KMT2A: variants seen among roughly 807,000 people sequenced by gnomAD.
KMT2A encodes the protein histone-lysine N-methyltransferase 2A.
KMT2A carries 16 observed loss-of-function variants against 345.3 expected under a neutral mutation model. That is an observed-to-expected ratio of 0.05 (90% CI 0.03 to 0.07). KMT2A has a LOEUF of 0.07. KMT2A is among the 10% of genes least tolerant of loss of function. The pLI, the probability that KMT2A is intolerant of heterozygous loss-of-function variation, is 1.00. For synonymous variants in KMT2A, 1,599 were observed against 1,778.6 expected (o/e 0.90, Z 2.54); for missense variants, 3,272 against 4,841.6 (o/e 0.68, Z 9.62).
Position 118,491,100 on chromosome 11 carries a change from T to C in KMT2A, c.4697-96T>C. ...GCTGGTGTTCATGATCCCAGAAGAA[T>C]ATAGATTTAGATTGGGTTGGTAAAT... On this transcript the variant is annotated intron_variant, in intron 13 of 35. Transcript: ENST00000534358. The surrounding 1 kb of genome is among the most constrained non-coding windows in gnomAD (Gnocchi z 4.2). The C allele has an allele frequency of 1.6e-6, 2 of 1,256,230 alleles. No individual in the cohort carries two copies. Among genetic ancestry groups the C allele is most frequent in the Admixed American group, 2.1e-5 (1 of 47,034 alleles). 77.8% of individuals were successfully genotyped at this position (1,256,230 alleles called of 1,614,324 possible). A position where few individuals can be genotyped will look rare whatever the true frequency, so the allele number is the denominator to read the frequency against.
rs1234846393 is a variant in KMT2A, at chr11:118,476,989, CAAG to C, written c.3334+11_3334+13del. 2 of 1,613,634 alleles carry C rather than the reference CAAG, an allele frequency of 1.2e-6. No homozygotes were observed. The highest frequency in any genetic ancestry group is 1.7e-6 in the Non-Finnish European group (2 of 1,179,756). Reference sequence around the variant, plus strand: ...TCTTCCATGGGGAATGATGGTAGGTCAAGAAGGTCAATCTTGGAGTCGGAACAG... The same window carrying C: ...TCTTCCATGGGGAATGATGGTAGGTCAAGGTCAATCTTGGAGTCGGAACAG... On this transcript the variant is annotated splice_region_variant and intron_variant, in intron 4 of 35. Coordinates refer to ENST00000534358, the MANE Select transcript of KMT2A (RefSeq NM_001197104.2). This position sits in a 1 kb window ranked among gnomAD's most constrained non-coding sequence, Gnocchi z 4.1.
At chr11:118,492,438 G>T (rs1188365699) in intron 15 of KMT2A, among the ~76,000 whole-genome samples, 4 of 152,226 alleles carry the variant, frequency 2.6e-5, no homozygotes, top group African/African-American at 9.6e-5. Flanking sequence ...CCAGCACTTC[G>T]GGAGGCCGAG....
In KMT2A at chr11:118,490,095, A is replaced by G. The variant is rs2134334127; in HGVS notation, c.4576-34A>G. 4 of 1,589,840 alleles carry G rather than the reference A, an allele frequency of 2.5e-6. No homozygotes were observed. The East Asian group carries it at 8.9e-5, about 36-fold the overall frequency. ...GTTAAGTAAAGATATTAAAAACAAG[A>G]AATTCCTATTGAATTTCTTTTCTTC... On this transcript the variant is annotated intron_variant, in intron 12 of 35. Coordinates refer to ENST00000534358, the MANE Select transcript of KMT2A (RefSeq NM_001197104.2). This position sits in a 1 kb window ranked among gnomAD's most constrained non-coding sequence, Gnocchi z 4.2.
chr11:118,464,541 A>G (rs1004340037), intron 1 of KMT2A, among the ~76,000 whole-genome samples: 3 of 147,904 alleles, frequency 2.0e-5, no homozygotes, highest in Non-Finnish European at 4.5e-5. Flanking sequence ...CTCTGTCTCA[A>G]AAAAAAAAAA....
chr11:118,512,529 T>C (rs1950711465), intron 31 of KMT2A: 1 of 154,084 alleles, frequency 6.5e-6, no homozygotes, highest in Non-Finnish European at 1.4e-5. Flanking sequence ...ATGTTGCTTA[T>C]CCATTCATTA....
rs781936420 is a variant in KMT2A, at chr11:118,436,698, C to CGCGGCGGCG, written c.194_202dup (p.Ala65_Ala67dup). On this transcript the variant is annotated inframe_insertion, in exon 1 of 36. Coordinates refer to ENST00000534358, the MANE Select transcript of KMT2A (RefSeq NM_001197104.2). This position sits in a 1 kb window ranked among gnomAD's most constrained non-coding sequence, Gnocchi z 6.9. The stretch of plus-strand genomic sequence containing the variant: ...CCCCCTCCCCCCCGGCTGTGGCGGC[C>CGCGGCGGCG]GCGGCGGCGGCGGCGGGAAGCAGCG... The CGCGGCGGCG allele has an allele frequency of 7.6e-6, 10 of 1,317,648 alleles. No homozygotes were observed. In the South Asian group the frequency reaches 2.0e-4, roughly 26 times the overall value. The allele number at this position is 1,317,648 out of a possible 1,614,324, so 81.6% of individuals were successfully genotyped here.
chr11:118,518,234 G>C (rs1403252836), intron 31 of KMT2A, among the ~76,000 whole-genome samples: 2 of 152,182 alleles, frequency 1.3e-5, no homozygotes, highest in African/African-American at 4.8e-5. Flanking sequence ...TCAAAAAGAA[G>C]TGTGGCAGTT....
In KMT2A at chr11:118,502,997, T is replaced by C. The variant is rs1950525336; in HGVS notation, c.7105T>C (p.Ser2369Pro). The C allele has an allele frequency of 6.2e-7, 1 of 1,614,024 alleles. No homozygotes were observed. The highest frequency in any genetic ancestry group is 1.6e-4 in the Middle Eastern group (1 of 6,062). Reference sequence around the variant, plus strand: ...GTCGTTTTCTTCTAAAGAGGCCCTCTCCTTCCCACACCTCCATTTGAGAGG... The same window carrying C: ...GTCGTTTTCTTCTAAAGAGGCCCTCCCCTTCCCACACCTCCATTTGAGAGG... ...SVSFSSKEAL[S>P]FPHLHLRGQR... is the part of the protein sequence containing the mutation. The change falls in exon 27 of 36, where the codon TCC becomes CCC. Residue 2369 changes from serine to proline, a missense_variant. Ser to Pro is a moderately conservative substitution (Grantham distance 74, BLOSUM62 -1). Coordinates refer to ENST00000534358, the MANE Select transcript of KMT2A (RefSeq NM_001197104.2). This position sits in a 1 kb window ranked among gnomAD's most constrained non-coding sequence, Gnocchi z 4.9.
intron 31 of KMT2A, among the ~76,000 whole-genome samples, chr11:118,515,350 T>C (rs1950788907): frequency 6.6e-6 from 1 of 152,228 alleles, no homozygotes; most frequent in Non-Finnish European, 1.5e-5. Flanking sequence ...TTTTGATCAT[T>C]CTTCCTGTGC....
intron 1 of KMT2A, among the ~76,000 whole-genome samples, chr11:118,446,342 G>C (rs112673709): frequency 6.6e-6 from 1 of 152,134 alleles, no homozygotes; most frequent in East Asian, 1.9e-4. Flanking sequence ...GAGTGAGACT[G>C]TGTCTCAAAA....
At position 118,476,529 on chromosome 11, in the gene KMT2A, C is replaced by T. The variant is rs1035954357; in HGVS notation, c.3157-276C>T. Among the ~76,000 whole-genome samples the T allele has an allele frequency of 2.0e-5, 3 of 152,116 alleles. No individual in the cohort carries two copies. The highest frequency in any genetic ancestry group is 2.0e-4 in the Admixed American group (3 of 15,272). On this transcript the variant is annotated intron_variant, in intron 3 of 35. Transcript: ENST00000534358. This position sits in a 1 kb window ranked among gnomAD's most constrained non-coding sequence, Gnocchi z 4.1. ...AATTTTGTGTAGAGATGGGTTCTCG[C>T]TATGTTGCCCATACTGGTCTTGAAC... is the stretch of plus-strand genomic sequence containing the variant.
At chr11:118,469,389 A>G (rs1034897052) in intron 2 of KMT2A, among the ~76,000 whole-genome samples, 1 of 152,188 alleles carries the variant, frequency 6.6e-6, no homozygotes, top group Non-Finnish European at 1.5e-5. Flanking sequence ...TTGGTCCACT[A>G]TTGTCAAAGA....
intron 1 of KMT2A, among the ~76,000 whole-genome samples, chr11:118,467,378 A>G (rs1422054568): frequency 3.4e-5 from 5 of 146,314 alleles, no homozygotes; most frequent in African/African-American, 1.0e-4. Context: ...CTCCGTCTCA[A>G]AAAAAAAAAA....
chr11:118,488,511 C>A, intron 10 of KMT2A, 103 bp from the exon 11 acceptor site: 3 of 1,084,942 alleles, frequency 2.8e-6, no homozygotes, highest in African/African-American at 1.5e-5. Flanking sequence ...TAAATATATG[C>A]CAGTGGACTA....
At chr11:118,442,377 C>T (rs1949332461) in intron 1 of KMT2A, among the ~76,000 whole-genome samples, 2 of 152,220 alleles carry the variant, frequency 1.3e-5, no homozygotes, top group Non-Finnish European at 1.5e-5. Context: ...GATGTACCTA[C>T]ATTTTAATCA....
rs782682980 is a variant in KMT2A, at chr11:118,505,808, C to A, written c.9916C>A (p.Pro3306Thr). The A allele has an allele frequency of 7.4e-6, 12 of 1,614,030 alleles. No homozygotes were observed. In the Admixed American group the frequency reaches 2.0e-4, roughly 27 times the overall value. Residue 3306 changes from proline (P) to threonine (T), a missense_variant, in exon 27 of 36, where the codon CCA becomes ACA. By Grantham distance (38) the Pro-to-Thr change is conservative. Around this residue, in one of 27 missense-constraint regions of KMT2A, gnomAD observed 748 missense variants for 922.2 expected, o/e 0.81. Coordinates refer to ENST00000534358, the MANE Select transcript of KMT2A (RefSeq NM_001197104.2). This position sits in a 1 kb window ranked among gnomAD's most constrained non-coding sequence, Gnocchi z 4.6. ...IMYFEPAPLL[P>T]QSVGGTAATA... ...GTATTTTGAACCGGCACCCCTGTTA[C>A]CACAGAGTGTGGGAGGAACTGCTGC... is the stretch of plus-strand genomic sequence containing the variant.
rs1555043152 is a variant in KMT2A at position 118,493,401 on chromosome 11, CAGA to C, written c.5178+177_5178+179del. On this transcript the variant is annotated intron_variant, in intron 16 of 35. Coordinates refer to ENST00000534358, the MANE Select transcript of KMT2A (RefSeq NM_001197104.2). The surrounding 1 kb of genome is among the most constrained non-coding windows in gnomAD (Gnocchi z 5.8). Reference sequence around the variant, plus strand: ...TATGAGTTATTTTAGCTTTGTGTTTCAGAAGAAGGGTTGTGATAGGGAAGATAA... The same window carrying C: ...TATGAGTTATTTTAGCTTTGTGTTTCAGAAGGGTTGTGATAGGGAAGATAA... Among the ~76,000 whole-genome samples, 1 of 152,184 alleles carries C rather than the reference CAGA, an allele frequency of 6.6e-6. No homozygotes were observed. Among genetic ancestry groups the C allele is most frequent in the East Asian group, 1.9e-4 (1 of 5,198 alleles).
In KMT2A at chr11:118,526,492, T is replaced by C. The variant is rs1242057351; in HGVS notation, c.*4320T>C. 1 of 230,022 alleles carries C rather than the reference T, an allele frequency of 4.3e-6. No homozygotes were observed. Among genetic ancestry groups the C allele is most frequent in the Non-Finnish European group, 8.6e-6 (1 of 116,172 alleles). 14.2% of individuals were successfully genotyped at this position (230,022 alleles called of 1,614,324 possible). ...AGCTCAACAGATGACAAGCTTCTTT[T>C]CTAGAAATAAGACATTTTTTGACAA... On this transcript the variant is annotated 3_prime_UTR_variant, in exon 36 of 36. Coordinates refer to ENST00000534358, the MANE Select transcript of KMT2A (RefSeq NM_001197104.2).
Position 118,468,789 on chromosome 11 carries a change from A to C in KMT2A, c.447A>C (p.Leu149Phe). ...CTTTGTTGTAGGATGAGCAATTCTT[A>C]GGTTTTGGCTCAGATGAAGAAGTCA... Reference protein sequence around the residue: ...GGGSGEDEQFLGFGSDEEVRV... With the variant: ...GGGSGEDEQFFGFGSDEEVRV... The change falls in exon 2 of 36, where the codon TTA becomes TTC. Residue 149 changes from leucine to phenylalanine, a missense_variant. Leu to Phe is a conservative substitution (Grantham distance 22, BLOSUM62 0). Coordinates refer to ENST00000534358, the MANE Select transcript of KMT2A (RefSeq NM_001197104.2). 1 of 1,612,770 alleles carries C rather than the reference A, an allele frequency of 6.2e-7. No homozygotes were observed. The highest frequency in any genetic ancestry group is 8.5e-7 in the Non-Finnish European group (1 of 1,179,034).
Sources: allele counts gnomAD v4.1 joint callset (sites outside exome capture counted in the v4.1 genomes callset), GRCh38; gene constraint gnomAD v4.1.1; regional missense constraint gnomAD v4.1.1; non-coding constraint Gnocchi (gnomAD v3.1); transcripts MANE v1.5; gene names NCBI Gene and HGNC (gene_info 2026-07-23, HGNC 2026-07-21).